TMOD1: variants seen among roughly 807,000 people sequenced by gnomAD.
TMOD1 encodes the protein tropomodulin 1, also known as tropomodulin-1.
In TMOD1, 17 loss-of-function variants were observed where a neutral mutation model predicts 40.6. The observed-to-expected ratio is 0.42, with a 90% CI of 0.29 to 0.63. The LOEUF (loss-of-function observed/expected upper bound fraction) is 0.63, where lower values mean the gene tolerates loss of function less well. Among genes scored for constraint, TMOD1 ranks in the 20% least tolerant of loss-of-function variants. TMOD1 has a pLI of 0.22. For synonymous variants in TMOD1, 181 were observed against 175.0 expected, an observed-to-expected ratio of 1.03 and a Z score of -0.27; for missense variants, 391 against 447.6, an observed-to-expected ratio of 0.87 and a Z score of 1.14.
intron 1 of TMOD1, among the ~76,000 whole-genome samples, chr9:97,503,383 C>T (rs1278818670): frequency 6.6e-6 from 1 of 152,166 alleles, no homozygotes; most frequent in Non-Finnish European, 1.5e-5. Flanking sequence ...TTTGCTTCTA[C>T]TTTACTTTCT....
At chr9:97,580,917 T>C (rs1376633479) in intron 8 of TMOD1, among the ~76,000 whole-genome samples, 3 of 151,162 alleles carry the variant, frequency 2.0e-5, no homozygotes, top group Non-Finnish European at 4.4e-5. Flanking sequence ...ATGAAAATCA[T>C]ATATTATGTA....
intron 2 of TMOD1, among the ~76,000 whole-genome samples, chr9:97,537,256 G>A (rs1223623080): frequency 6.6e-6 from 1 of 152,182 alleles, no homozygotes. Context: ...ATGCATGTGT[G>A]CGTGCATGCA....
chr9:97,591,009 G>A (rs952018029), intron 8 of TMOD1, among the ~76,000 whole-genome samples: 7 of 152,168 alleles, frequency 4.6e-5, no homozygotes, highest in Admixed American at 6.5e-5. Flanking sequence ...CTCTTCTGTC[G>A]TGGAGCTCTT....
chr9:97,594,059 A>G (rs1826054492), intron 9 of TMOD1, among the ~76,000 whole-genome samples: 1 of 152,130 alleles, frequency 6.6e-6, no homozygotes, highest in African/African-American at 2.4e-5. Flanking sequence ...TTTAATGTCA[A>G]GCTCAGGGGC....
chr9:97,559,794 A>AAAAATATATAT (rs1390791825), intron 4 of TMOD1, among the ~76,000 whole-genome samples: 5 of 23,176 alleles, frequency 2.2e-4, no homozygotes, highest in Non-Finnish European at 2.3e-4. Flanking sequence ...AAAAAAAAAA[A>AAAAATATATAT]ATATATATAT....
In TMOD1 at chr9:97,601,003, A is replaced by G. The variant is rs1587972118; in HGVS notation, c.*1305A>G. 17 of 1,281,940 alleles carry G rather than the reference A, an allele frequency of 1.3e-5. No homozygotes were observed. The East Asian group carries it at 9.8e-4, about 74-fold the overall frequency. The allele number at this position is 1,281,940 out of a possible 1,614,324, so 79.4% of individuals were successfully genotyped here. A position where few individuals can be genotyped will look rare whatever the true frequency, so the allele number is the denominator to read the frequency against. ...GGTCAAGAACTCCAGAGCACTGAGC[A>G]GAGAGGCTGGTGATGAAAAGGTGAA... On this transcript the variant is annotated 3_prime_UTR_variant, in exon 10 of 10. Transcript: ENST00000259365.
In TMOD1 at chr9:97,557,136, C is replaced by A. The variant is rs929843110; in HGVS notation, c.397+3736C>A. Among the ~76,000 whole-genome samples, 2 of 152,108 alleles carry A rather than the reference C, an allele frequency of 1.3e-5. No homozygotes were observed. The highest frequency in any genetic ancestry group is 4.8e-5 in the African/African-American group (2 of 41,418). Reference sequence around the variant, plus strand: ...CCCAGGAGGTGATGAGGAGGACAGACGAGAAACATGTATTTTTTTTTTAAC... The same window carrying A: ...CCCAGGAGGTGATGAGGAGGACAGAAGAGAAACATGTATTTTTTTTTTAAC... On this transcript the variant is annotated intron_variant, in intron 4 of 9. Coordinates refer to ENST00000259365, the MANE Select transcript of TMOD1 (RefSeq NM_003275.4). The surrounding 1 kb of genome is among the most constrained non-coding windows in gnomAD (Gnocchi z 4.4).
At chr9:97,581,999 A>C (rs1185911704) in intron 8 of TMOD1, among the ~76,000 whole-genome samples, 6 of 150,292 alleles carry the variant, frequency 4.0e-5, no homozygotes, top group Non-Finnish European at 6.0e-5. Flanking sequence ...TCTTTAGTTT[A>C]ATTAGATCCC....
At chr9:97,508,535 G>A (rs1179455859) in intron 1 of TMOD1, among the ~76,000 whole-genome samples, 1 of 152,178 alleles carries the variant, frequency 6.6e-6, no homozygotes, top group Non-Finnish European at 1.5e-5. Context: ...ATAAACTGGG[G>A]TTGTTGTGGG....
intron 9 of TMOD1, among the ~76,000 whole-genome samples, chr9:97,592,270 A>G (rs2131293265): frequency 6.6e-6 from 1 of 152,272 alleles, no homozygotes; most frequent in South Asian, 2.1e-4. Context: ...GGCTATAGGA[A>G]AACAAGAGGG....
intron 8 of TMOD1, among the ~76,000 whole-genome samples, chr9:97,582,008 C>T (rs1019938535): frequency 6.6e-6 from 1 of 151,120 alleles, no homozygotes; most frequent in Non-Finnish European, 1.5e-5. Context: ...TAATTAGATC[C>T]CATTTGTCAA....
intron 1 of TMOD1, among the ~76,000 whole-genome samples, chr9:97,519,768 A>T (rs1353631402): frequency 6.6e-6 from 1 of 152,116 alleles, no homozygotes; most frequent in East Asian, 1.9e-4. Flanking sequence ...CACATAGAAC[A>T]CGGGTCCTCT....
chr9:97,567,745 G>A (rs893090056), intron 7 of TMOD1, among the ~76,000 whole-genome samples: 9 of 152,276 alleles, frequency 5.9e-5, no homozygotes, highest in Admixed American at 5.9e-4. Context: ...AAGCTGACAT[G>A]CCATCCCGGG....
At chr9:97,576,891 G>C (rs186901707) in intron 8 of TMOD1, among the ~76,000 whole-genome samples, 1 of 151,966 alleles carries the variant, frequency 6.6e-6, no homozygotes, top group Non-Finnish European at 1.5e-5. Context: ...CGCCCACCTC[G>C]GCCTCCCAAA....
At chr9:97,572,875 C>T (rs1830843017) in intron 8 of TMOD1, among the ~76,000 whole-genome samples, 1 of 152,168 alleles carries the variant, frequency 6.6e-6, no homozygotes, top group Non-Finnish European at 1.5e-5. Flanking sequence ...AATAGTCTCT[C>T]TATCTCCAAG....
intron 2 of TMOD1, among the ~76,000 whole-genome samples, chr9:97,539,464 G>A (rs1451669773): frequency 6.6e-6 from 1 of 152,162 alleles, no homozygotes; most frequent in Non-Finnish European, 1.5e-5. Flanking sequence ...GGCACCATTT[G>A]AAATTTGGCC....
At position 97,599,883 on chromosome 9, in the gene TMOD1, T is replaced by C. The variant is rs1362406916; in HGVS notation, c.*185T>C. On this transcript the variant is annotated 3_prime_UTR_variant, in exon 10 of 10. Coordinates refer to ENST00000259365, the MANE Select transcript of TMOD1 (RefSeq NM_003275.4). ...AAAATTTTATAAAATACCGTTAATG[T>C]GAAGTTTTTCTTTAGTCACAGAAGT... The C allele has an allele frequency of 1.4e-6, 2 of 1,379,756 alleles. No homozygotes were observed. The highest frequency in any genetic ancestry group is 1.5e-5 in the African/African-American group (1 of 68,742). The allele number at this position is 1,379,756 out of a possible 1,614,324, so 85.5% of individuals were successfully genotyped here. A position where few individuals can be genotyped will look rare whatever the true frequency, so the allele number is the denominator to read the frequency against.
In TMOD1 at chr9:97,507,387, G is replaced by A. The variant is rs147533190; in HGVS notation, c.-49+5584G>A. Among the ~76,000 whole-genome samples, 262 of 152,270 alleles carry A rather than the reference G, an allele frequency of 1.7e-3. 1 individual carries two copies. The highest frequency in any genetic ancestry group is 2.1e-3 in the Non-Finnish European group (140 of 68,026). On this transcript the variant is annotated intron_variant, in intron 1 of 9. Coordinates refer to ENST00000259365, the MANE Select transcript of TMOD1 (RefSeq NM_003275.4). Reference sequence around the variant, plus strand: ...ACATTGCACGCATTTGCTTATTATGGTTTTACATTGTATTCCACTTACAGC... The same window carrying A: ...ACATTGCACGCATTTGCTTATTATGATTTTACATTGTATTCCACTTACAGC...
At chr9:97,585,543 T>C (rs1012258053) in intron 8 of TMOD1, among the ~76,000 whole-genome samples, 1 of 150,258 alleles carries the variant, frequency 6.7e-6, no homozygotes, top group South Asian at 2.1e-4. Flanking sequence ...TGAATCTGAA[T>C]GTTGGCCTGC....
Sources: allele counts gnomAD v4.1 joint callset (sites outside exome capture counted in the v4.1 genomes callset), GRCh38; gene constraint gnomAD v4.1.1; non-coding constraint Gnocchi (gnomAD v3.1); transcripts MANE v1.5; gene names NCBI Gene and HGNC (gene_info 2026-07-23, HGNC 2026-07-21).